The following DGKG variants were observed in gnomAD, a reference collection of about 807,000 sequenced individuals.
The protein encoded by DGKG is diacylglycerol kinase gamma, also known as DAG kinase gamma.
Under a neutral mutation model 105.3 loss-of-function variants are expected in DGKG, and 78 were observed. The observed-to-expected ratio is 0.74, with a 90% CI of 0.62 to 0.89. DGKG has a LOEUF of 0.89. DGKG is among the 40% of genes least tolerant of loss of function. The pLI is 0.00. For synonymous variants in DGKG, 346 were observed against 367.1 expected (o/e 0.94, Z 0.66); for missense variants, 958 against 1,020.1 (o/e 0.94, Z 0.83).
intron 21 of DGKG, among the ~76,000 whole-genome samples, chr3:186,196,973 T>C (rs1314911448): frequency 6.6e-6 from 1 of 152,114 alleles, no homozygotes; most frequent in African/African-American, 2.4e-5. Flanking sequence ...TGTGGATGTT[T>C]GAGGCAGAGA....
chr3:186,242,469 G>T, intron 20 of DGKG, 35 bp downstream of exon 20: 1 of 1,581,674 alleles, frequency 6.3e-7, no homozygotes, highest in South Asian at 1.1e-5. Context: ...GGGCCACACT[G>T]GGTGGGTGGC....
rs189721280 is a variant in DGKG, at chr3:186,180,519, G to C, written c.2095+7683C>G. Among the ~76,000 whole-genome samples, 19 of 152,266 alleles carry C rather than the reference G, an allele frequency of 1.2e-4. No homozygotes were observed. The East Asian group carries it at 3.3e-3, about 26-fold the overall frequency. ...CAGCCCACAGGAGAGACCTGGGCCA[G>C]AGAGGATCTCTGTTAAATGCAAACT... On this transcript the variant is annotated intron_variant, in intron 22 of 24. Coordinates refer to ENST00000265022, the MANE Select transcript of DGKG (RefSeq NM_001346.3).
Position 186,284,889 on chromosome 3 carries a change from G to C in DGKG, c.545-180C>G, listed in dbSNP as rs1722991874. Reference sequence around the variant, plus strand: ...TCCTTACAGAGAGGCTGGGCCAAGGGAGGAGAACCACCTGGCTTCTGGACC... The same window carrying C: ...TCCTTACAGAGAGGCTGGGCCAAGGCAGGAGAACCACCTGGCTTCTGGACC... On this transcript the variant is annotated intron_variant, in intron 6 of 24. Coordinates refer to ENST00000265022, the MANE Select transcript of DGKG (RefSeq NM_001346.3). This position sits in a 1 kb window ranked among gnomAD's most constrained non-coding sequence, Gnocchi z 4.0. Among the ~76,000 whole-genome samples, 1 of 152,224 alleles carries C rather than the reference G, an allele frequency of 6.6e-6. No homozygotes were observed. The highest frequency in any genetic ancestry group is 1.5e-5 in the Non-Finnish European group (1 of 68,040).
At chr3:186,212,116 A>G (rs1315748183) in intron 20 of DGKG, among the ~76,000 whole-genome samples, 1 of 152,220 alleles carries the variant, frequency 6.6e-6, no homozygotes. Context: ...CCCTGGGTGA[A>G]CTACCAACTG....
At chr3:186,308,558 C>A (rs1724368012) in intron 2 of DGKG, among the ~76,000 whole-genome samples, 1 of 152,150 alleles carries the variant, frequency 6.6e-6, no homozygotes, top group South Asian at 2.1e-4. Flanking sequence ...CTGGGCTGTT[C>A]TCCATGGCTT....
At chr3:186,330,647 G>C (rs991337172) in intron 1 of DGKG, among the ~76,000 whole-genome samples, 9 of 152,164 alleles carry the variant, frequency 5.9e-5, no homozygotes, top group Non-Finnish European at 1.2e-4. Context: ...ATTACAGAGA[G>C]GAGAACTGAG....
At chr3:186,228,379 G>T (rs941173868) in intron 20 of DGKG, among the ~76,000 whole-genome samples, 2 of 152,086 alleles carry the variant, frequency 1.3e-5, no homozygotes, top group Non-Finnish European at 2.9e-5. Flanking sequence ...ACTTCAGCAA[G>T]GTTCAGTATT....
At chr3:186,245,352 G>T (rs7631352) in intron 19 of DGKG, among the ~76,000 whole-genome samples, 6,769 of 152,220 alleles carry the variant, frequency 0.044, 502 homozygotes, top group African/African-American at 0.16. Flanking sequence ...GGCAATGAGG[G>T]TGAAGACTCT....
intron 24 of DGKG, among the ~76,000 whole-genome samples, chr3:186,151,001 C>T (rs745866080): frequency 5.9e-5 from 9 of 152,274 alleles, no homozygotes; most frequent in East Asian, 3.9e-4. Context: ...CAGAGTAGGA[C>T]GATGAAGTGG....
At chr3:186,318,543 T>C (rs1171104701) in intron 2 of DGKG, among the ~76,000 whole-genome samples, 1 of 152,174 alleles carries the variant, frequency 6.6e-6, no homozygotes, top group East Asian at 1.9e-4. Context: ...ATTTGGGTTG[T>C]TGCAGATGTA....
chr3:186,198,739 G>GA (rs982565439), intron 21 of DGKG, among the ~76,000 whole-genome samples: 48 of 152,352 alleles, frequency 3.2e-4, no homozygotes, highest in African/African-American at 1.2e-3. Flanking sequence ...CAACGGGGAA[G>GA]AAAAGGAAGT....
In DGKG at chr3:186,147,670, C is replaced by G; in HGVS notation, c.*2420G>C. ...AGGGCCATTTTCTGCACTGCCCCTT[C>G]ATGAGACCTGTGAGTCTCTGAGAAT... On this transcript the variant is annotated 3_prime_UTR_variant, in exon 25 of 25. Coordinates refer to ENST00000265022, the MANE Select transcript of DGKG (RefSeq NM_001346.3). 1 of 985,458 alleles carries G rather than the reference C, an allele frequency of 1.0e-6. No individual in the cohort carries two copies. Among genetic ancestry groups the G allele is most frequent in the African/African-American group, 1.7e-5 (1 of 57,368 alleles). The allele number at this position is 985,458 out of a possible 1,614,324, so 61.0% of individuals were successfully genotyped here.
At chr3:186,187,214 T>G (rs12492112) in intron 22 of DGKG, among the ~76,000 whole-genome samples, 5 of 152,040 alleles carry the variant, frequency 3.3e-5, no homozygotes, top group Non-Finnish European at 7.4e-5. Flanking sequence ...GGCAGTGAGA[T>G]AGAAGCAAGG....
At position 186,279,968 on chromosome 3, in the gene DGKG, C is replaced by T. The variant is rs142983391; in HGVS notation, c.675G>A (p.Leu225=). ...EWDPTELRPI[L]KEMLQGMDYD... ...AGTCCATCCCTTGCAGCATCTCCTTCAATATCTGTGGAATCCAAAGAGCAA... is the reference window on the plus strand; with the variant it reads ...AGTCCATCCCTTGCAGCATCTCCTTTAATATCTGTGGAATCCAAAGAGCAA... The change falls in exon 9 of 25, where the codon TTG becomes TTA. Residue 225 remains leucine, a synonymous_variant. Coordinates refer to ENST00000265022, the MANE Select transcript of DGKG (RefSeq NM_001346.3). 3 of 1,613,956 alleles carry T rather than the reference C, an allele frequency of 1.9e-6. No individual in the cohort carries two copies. Among genetic ancestry groups the T allele is most frequent in the Non-Finnish European group, 2.5e-6 (3 of 1,179,926 alleles).
At chr3:186,281,177 A>G (rs1722812693) in intron 7 of DGKG, 2 of 168,756 alleles carry the variant, frequency 1.2e-5, no homozygotes, top group Admixed American at 5.9e-5. Flanking sequence ...GCTCGAGGCC[A>G]GTTTCTCTTG....
At chr3:186,223,915 A>G (rs895620094) in intron 20 of DGKG, among the ~76,000 whole-genome samples, 2 of 152,050 alleles carry the variant, frequency 1.3e-5, no homozygotes, top group African/African-American at 2.4e-5. Flanking sequence ...CCTCTCCCCT[A>G]AGGAATACGA....
chr3:186,260,899 A>G (rs925657585), intron 15 of DGKG, among the ~76,000 whole-genome samples: 1 of 152,194 alleles, frequency 6.6e-6, no homozygotes, highest in Non-Finnish European at 1.5e-5. Flanking sequence ...TGCAGACTGT[A>G]CAAAAGCATC....
chr3:186,218,489 C>T (rs183484749), intron 20 of DGKG, among the ~76,000 whole-genome samples: 1,423 of 112,014 alleles, frequency 0.013, 6 homozygotes, highest in Admixed American at 0.016. Context: ...GGCGACAGAG[C>T]GAGACTCCGT....
intron 22 of DGKG, among the ~76,000 whole-genome samples, chr3:186,180,236 G>A (rs1717293291): frequency 6.6e-6 from 1 of 152,172 alleles, no homozygotes; most frequent in Non-Finnish European, 1.5e-5. Flanking sequence ...GTTTTTAGGA[G>A]GGGGAAGGAT....
Sources: gnomAD v4.1 joint callset for allele counts (sites outside exome capture counted in the v4.1 genomes callset) on GRCh38, gnomAD v4.1.1 for gene constraint, Gnocchi (gnomAD v3.1) non-coding constraint, MANE v1.5 for transcripts, NCBI Gene and HGNC (gene_info 2026-07-23, HGNC 2026-07-21) for gene names.